The following MAPT variants were observed in gnomAD, a reference collection of about 807,000 sequenced individuals.
MAPT encodes microtubule associated protein tau, also known as microtubule-associated protein tau.
MAPT carries 34 observed loss-of-function variants against 67.9 expected under a neutral mutation model. That is an observed-to-expected ratio of 0.50 (90% CI 0.38 to 0.67). MAPT has a LOEUF of 0.67. MAPT is among the 30% of genes least tolerant of loss of function. MAPT has a pLI of 0.00. For missense variants in MAPT, 881 were observed against 1,115.2 expected (o/e 0.79, Z 2.99); for synonymous variants, 456 against 464.5 (o/e 0.98, Z 0.23).
chr17:45,982,844 TATCGCTG>T lies in MAPT; in HGVS notation c.287-21_287-15del, dbSNP rs2073108665. 8.0e-7 allele frequency: 1 copy of T among 1,250,998 alleles called. No homozygotes were observed. The highest frequency in any genetic ancestry group is 3.6e-5 in the Admixed American group (1 of 27,416). 77.5% of individuals were successfully genotyped at this position (1,250,998 alleles called of 1,614,324 possible). A position where few individuals can be genotyped will look rare whatever the true frequency, so the allele number is the denominator to read the frequency against. ...TAATGCGCCCTTGCTAACCTTTTGC[TATCGCTG>T]CCTCTTCAAACCAGAGGAGTTGAGA... On this transcript the variant is annotated splice_polypyrimidine_tract_variant and intron_variant, in intron 4 of 12. Coordinates refer to ENST00000262410, the MANE Select transcript of MAPT (RefSeq NM_001377265.1).
intron 1 of MAPT, among the ~76,000 whole-genome samples, chr17:45,949,244 C>G (rs757943409): frequency 6.6e-6 from 1 of 152,236 alleles, no homozygotes; most frequent in South Asian, 2.1e-4. Context: ...TTGGCTGCCC[C>G]CTAGCGAGGG....
intron 11 of MAPT, among the ~76,000 whole-genome samples, chr17:46,016,056 G>A (rs2076156964): frequency 6.6e-6 from 1 of 152,046 alleles, no homozygotes; most frequent in Admixed American, 6.6e-5. Context: ...CAGGAACCCT[G>A]GGTCACTGCC....
intron 1 of MAPT, among the ~76,000 whole-genome samples, chr17:45,934,877 T>C (rs2067180508): frequency 6.7e-6 from 1 of 148,516 alleles, no homozygotes; most frequent in Non-Finnish European, 1.5e-5. Context: ...TATGGCCTTT[T>C]TGAGTTTCCC....
intron 2 of MAPT, among the ~76,000 whole-genome samples, chr17:45,962,877 A>G (rs954660797): frequency 5.3e-5 from 8 of 152,128 alleles, no homozygotes; most frequent in African/African-American, 1.4e-4. Context: ...GTAAGCTGTG[A>G]TTATAAAACT....
chr17:46,025,416 T>G lies in MAPT; in HGVS notation c.*1245T>G, dbSNP rs1035923707. On this transcript the variant is annotated 3_prime_UTR_variant, in exon 13 of 13. Coordinates refer to ENST00000262410, the MANE Select transcript of MAPT (RefSeq NM_001377265.1). Reference sequence around the variant, plus strand: ...CCCGAATTCCCAGCCTCACCACCCCTTCTCAGTAATGACCCTGGTTGGTTG... The same window carrying G: ...CCCGAATTCCCAGCCTCACCACCCCGTCTCAGTAATGACCCTGGTTGGTTG... 5 of 152,856 alleles carry G rather than the reference T, an allele frequency of 3.3e-5. No homozygotes were observed. Among genetic ancestry groups the G allele is most frequent in the African/African-American group, 1.2e-4 (5 of 41,408 alleles). The allele number at this position is 152,856 out of a possible 1,614,324, so 9.5% of individuals were successfully genotyped here.
At chr17:45,935,532 A>C (rs2067243950) in intron 1 of MAPT, among the ~76,000 whole-genome samples, 1 of 152,160 alleles carries the variant, frequency 6.6e-6, no homozygotes, top group African/African-American at 2.4e-5. Context: ...CACCAGAGCC[A>C]AAACTCAGGA....
intron 5 of MAPT, chr17:45,985,783 G>C: frequency 1.1e-6 from 1 of 948,112 alleles, no homozygotes; most frequent in Non-Finnish European, 1.3e-6. Flanking sequence ...TAAAGTGCAG[G>C]TTCCCAGGTG....
chr17:45,963,027 CAG>C (rs1470451703), intron 2 of MAPT, among the ~76,000 whole-genome samples: 1 of 152,158 alleles, frequency 6.6e-6, no homozygotes, highest in African/African-American at 2.4e-5. Context: ...CTCTCAAATA[CAG>C]GGTACTTTTT....
intron 5 of MAPT, 142 bp from the exon 6 acceptor site, chr17:45,986,898 A>G: frequency 1.4e-6 from 1 of 704,884 alleles, no homozygotes; most frequent in Non-Finnish European, 2.5e-6. Flanking sequence ...GATTCAAGGG[A>G]AAAGAGAACC....
chr17:46,009,556 G>T (rs2075680695), intron 9 of MAPT, among the ~76,000 whole-genome samples: 1 of 151,694 alleles, frequency 6.6e-6, no homozygotes, highest in Non-Finnish European at 1.5e-5. Flanking sequence ...TAGTGGCATT[G>T]TGGGTGGGAG....
intron 1 of MAPT, among the ~76,000 whole-genome samples, chr17:45,950,785 C>T (rs977279882): frequency 2.0e-5 from 3 of 152,088 alleles, no homozygotes; most frequent in Admixed American, 2.0e-4. Flanking sequence ...GCCTCAGCCT[C>T]CCGAGTAGCT....
chr17:46,023,943 C>A lies in MAPT; in HGVS notation c.2287-13C>A. 1 of 1,612,498 alleles carries A rather than the reference C, an allele frequency of 6.2e-7. No individual in the cohort carries two copies. Among genetic ancestry groups the A allele is most frequent in the South Asian group, 1.1e-5 (1 of 91,048 alleles). On this transcript the variant is annotated splice_polypyrimidine_tract_variant and intron_variant, in intron 12 of 12. Coordinates refer to ENST00000262410, the MANE Select transcript of MAPT (RefSeq NM_001377265.1). ...CACTTCATCTCACCCTCCCTCCCTT[C>A]CTCTTCTTGCAGATTGAAACCCACA...
intron 1 of MAPT, among the ~76,000 whole-genome samples, chr17:45,945,721 G>A (rs62062782): frequency 0.14 from 21,645 of 152,212 alleles, 2,124 homozygotes; most frequent in Non-Finnish European, 0.22. Flanking sequence ...GCTGAGGCAG[G>A]AGAATCACTA....
At chr17:45,961,998 C>T (rs1390284520) in intron 1 of MAPT, among the ~76,000 whole-genome samples, 2 of 152,116 alleles carry the variant, frequency 1.3e-5, no homozygotes, top group Non-Finnish European at 2.9e-5. Context: ...TGGTCTCGAT[C>T]CCCTGACCTC....
rs1216794044 is a variant in MAPT, at chr17:45,906,252, A to T, written c.-18+11566A>T. Among the ~76,000 whole-genome samples, 1 of 152,162 alleles carries T rather than the reference A, an allele frequency of 6.6e-6. No individual in the cohort carries two copies. Among genetic ancestry groups the T allele is most frequent in the Admixed American group, 6.5e-5 (1 of 15,274 alleles). ...TCTGGGCTCAAGTCACGACCCTTGG[A>T]TGGAATTTCCTGGGAGCTTTTCTGT... On this transcript the variant is annotated intron_variant, in intron 1 of 12. Transcript: ENST00000262410. This position sits in a 1 kb window ranked among gnomAD's most constrained non-coding sequence, Gnocchi z 4.3.
At chr17:45,937,768 G>A (rs1374980933) in intron 1 of MAPT, among the ~76,000 whole-genome samples, 1 of 152,064 alleles carries the variant, frequency 6.6e-6, no homozygotes, top group Non-Finnish European at 1.5e-5. Flanking sequence ...CATTTTGCTT[G>A]AGCATAAAGA....
intron 3 of MAPT, among the ~76,000 whole-genome samples, chr17:45,972,374 G>A (rs2071794116): frequency 2.0e-5 from 3 of 152,336 alleles, no homozygotes; most frequent in South Asian, 2.1e-4. Flanking sequence ...TGTGGCCTGG[G>A]CCTCTGGACT....
intron 2 of MAPT, among the ~76,000 whole-genome samples, chr17:45,965,826 T>G (rs2071018978): frequency 1.3e-5 from 2 of 152,184 alleles, no homozygotes; most frequent in Admixed American, 6.5e-5. Context: ...GAATGCTAAT[T>G]GGGACATTTT....
At chr17:45,914,276 G>A (rs114862678) in intron 1 of MAPT, among the ~76,000 whole-genome samples, 1,715 of 117,026 alleles carry the variant, frequency 0.015, 33 homozygotes, top group African/African-American at 0.041. Context: ...AGCAGAGGGC[G>A]GCTGATCTGT....
Sources: gnomAD v4.1 joint callset for allele counts (sites outside exome capture counted in the v4.1 genomes callset) on GRCh38, gnomAD v4.1.1 for gene constraint, Gnocchi (gnomAD v3.1) non-coding constraint, MANE v1.5 for transcripts, NCBI Gene and HGNC (gene_info 2026-07-23, HGNC 2026-07-21) for gene names.